HTR4: variants seen among roughly 807,000 people sequenced by gnomAD.
The protein encoded by HTR4 is 5-hydroxytryptamine receptor 4.
Under a neutral mutation model 36.8 loss-of-function variants are expected in HTR4, and 16 were observed. That is an observed-to-expected ratio of 0.43 (90% CI 0.29 to 0.66). The LOEUF (loss-of-function observed/expected upper bound fraction) is 0.66, where lower values mean the gene tolerates loss of function less well. Ranked by LOEUF, HTR4 falls within the 30% of genes least tolerant of loss-of-function variation. The probability of loss-of-function intolerance (pLI) is 0.13; values close to 1 mark genes in which losing one functional copy is unlikely to be tolerated. For missense variants in HTR4, 438 were observed against 490.9 expected (o/e 0.89, Z 1.02); for synonymous variants, 189 against 185.1 (o/e 1.02, Z -0.17).
chr5:148,583,297 G>C (rs556723058), intron 2 of HTR4, among the ~76,000 whole-genome samples: 3 of 149,258 alleles, frequency 2.0e-5, no homozygotes, highest in African/African-American at 4.9e-5. Flanking sequence ...ACTTGGGGGA[G>C]GGGGGAGGGA....
intron 5 of HTR4, among the ~76,000 whole-genome samples, chr5:148,471,252 C>A (rs1755560466): frequency 6.6e-6 from 1 of 152,166 alleles, no homozygotes; most frequent in Non-Finnish European, 1.5e-5. Flanking sequence ...GACTTGGGGG[C>A]TAGATAGCAG....
At position 148,637,329 on chromosome 5, in the gene HTR4, T is replaced by G. The variant is rs542020909; in HGVS notation, c.-47-268A>C. On this transcript the variant is annotated intron_variant, in intron 1 of 6. Transcript: ENST00000377888. ...TTGCTCCATTTATTGTTATTTATGT[T>G]CTTTCCAGAAACATGGCTTATTTTT... 2.6e-5 allele frequency among the ~76,000 whole-genome samples: 4 copies of G among 152,342 alleles called. No homozygotes were observed. In the East Asian group the frequency reaches 7.7e-4, roughly 29 times the overall value.
intron 6 of HTR4, among the ~76,000 whole-genome samples, chr5:148,504,788 G>A (rs189274763): frequency 0.014 from 2,147 of 152,056 alleles, 24 homozygotes; most frequent in Middle Eastern, 0.048. Flanking sequence ...TCAAATAGAC[G>A]CAATAAAAAA....
intron 6 of HTR4, among the ~76,000 whole-genome samples, chr5:148,490,312 T>A (rs1250303082): frequency 6.6e-6 from 1 of 151,814 alleles, no homozygotes; most frequent in East Asian, 1.9e-4. Flanking sequence ...TATGGAGATA[T>A]TTCTCCTTTG....
chr5:148,497,959 C>A (rs896704863), intron 6 of HTR4, among the ~76,000 whole-genome samples: 1 of 152,314 alleles, frequency 6.6e-6, no homozygotes, highest in South Asian at 2.1e-4. Flanking sequence ...GTCTTCACTT[C>A]TATTTTGATC....
chr5:148,454,154 C>T (rs1755041873), intron 5 of HTR4, among the ~76,000 whole-genome samples: 1 of 152,176 alleles, frequency 6.6e-6, no homozygotes, highest in African/African-American at 2.4e-5. Context: ...CACTTGCCAG[C>T]TTTGTGACAT....
At chr5:148,564,667 T>A (rs891214274) in intron 2 of HTR4, among the ~76,000 whole-genome samples, 1 of 152,168 alleles carries the variant, frequency 6.6e-6, no homozygotes, top group African/African-American at 2.4e-5. Flanking sequence ...AATTACAAGT[T>A]ATAGCTGTTA....
At chr5:148,585,651 C>A (rs900461016) in intron 2 of HTR4, among the ~76,000 whole-genome samples, 1 of 152,122 alleles carries the variant, frequency 6.6e-6, no homozygotes, top group African/African-American at 2.4e-5. Context: ...TGCAGGCATA[C>A]CTAGGTCACA....
At chr5:148,647,746 G>T (rs759508720) in intron 1 of HTR4, among the ~76,000 whole-genome samples, 1 of 152,200 alleles carries the variant, frequency 6.6e-6, no homozygotes, top group Non-Finnish European at 1.5e-5. Context: ...CTACTCGGGC[G>T]GCTGAAGCAG....
intron 2 of HTR4, among the ~76,000 whole-genome samples, chr5:148,603,860 A>G (rs1191807268): frequency 6.6e-6 from 1 of 152,118 alleles, no homozygotes. Context: ...CCAAAGGGAC[A>G]AATAGGATTT....
At chr5:148,472,172 A>G (rs1267299410), downstream of HTR4, among the ~76,000 whole-genome samples, 1 of 152,206 alleles carries the variant, frequency 6.6e-6, no homozygotes, top group Non-Finnish European at 1.5e-5. Context: ...GTGGCAATAC[A>G]GAGTCTCTTC....
chr5:148,498,524 G>A (rs1363388016), intron 6 of HTR4, among the ~76,000 whole-genome samples: 1 of 152,108 alleles, frequency 6.6e-6, no homozygotes, highest in Admixed American at 6.6e-5. Context: ...CTATGTTAGA[G>A]ACTATACAGT....
At chr5:148,544,148 A>G (rs574910746) in intron 4 of HTR4, among the ~76,000 whole-genome samples, 65 of 151,458 alleles carry the variant, frequency 4.3e-4, no homozygotes, top group African/African-American at 1.5e-3. Context: ...CTGACCATCC[A>G]CTCTGGCCAG....
chr5:148,489,846 T>G (rs1989036), intron 6 of HTR4, among the ~76,000 whole-genome samples: 48,734 of 151,574 alleles, frequency 0.32, 8,094 homozygotes, highest in Non-Finnish European at 0.38. Flanking sequence ...CCTACTGTAC[T>G]GCTCAAGGTT....
At chr5:148,488,915 T>C (rs563492256) in intron 6 of HTR4, among the ~76,000 whole-genome samples, 1 of 152,278 alleles carries the variant, frequency 6.6e-6, no homozygotes, top group East Asian at 1.9e-4. Flanking sequence ...CTGATTCTAA[T>C]CCCTATGTAC....
chr5:148,653,455 G>A (rs574036506), intron 1 of HTR4, among the ~76,000 whole-genome samples: 2 of 152,302 alleles, frequency 1.3e-5, no homozygotes, highest in Non-Finnish European at 2.9e-5. Flanking sequence ...AATCGGGATT[G>A]GGATTCTGTG....
chr5:148,583,159 T>C (rs1187258552), intron 2 of HTR4, among the ~76,000 whole-genome samples: 2 of 151,910 alleles, frequency 1.3e-5, no homozygotes, highest in African/African-American at 2.4e-5. Context: ...TGTTGAATTT[T>C]GTCAAAGGCC....
intron 2 of HTR4, among the ~76,000 whole-genome samples, chr5:148,556,018 G>T (rs200426304): frequency 6.6e-6 from 1 of 151,408 alleles, no homozygotes; most frequent in East Asian, 1.9e-4. Context: ...AACATTTTTT[G>T]TTGTTATTTA....
At chr5:148,502,864 G>A (rs1468924923) in intron 6 of HTR4, among the ~76,000 whole-genome samples, 4 of 152,294 alleles carry the variant, frequency 2.6e-5, no homozygotes, top group East Asian at 3.9e-4. Context: ...CTCAGTAGCC[G>A]ATTCGATCAA....
Sources: allele counts gnomAD v4.1 joint callset (sites outside exome capture counted in the v4.1 genomes callset), GRCh38; gene constraint gnomAD v4.1.1; transcripts MANE v1.5; gene names NCBI Gene and HGNC (gene_info 2026-07-23, HGNC 2026-07-21).